ENPP3: variants seen among roughly 807,000 people sequenced by gnomAD.
The protein encoded by ENPP3 is ectonucleotide pyrophosphatase/phosphodiesterase family member 3.
A neutral mutation model predicts 117.8 loss-of-function variants in ENPP3; 104 were observed. The ratio of observed to expected loss-of-function variants is 0.88; its 90% confidence interval spans 0.75 to 1.04. The LOEUF (loss-of-function observed/expected upper bound fraction) is 1.04, where lower values mean the gene tolerates loss of function less well. Ranked by LOEUF, ENPP3 falls within the 50% of genes least tolerant of loss-of-function variation. The probability of loss-of-function intolerance (pLI) is 0.00; values close to 1 mark genes in which losing one functional copy is unlikely to be tolerated. For synonymous variants in ENPP3, 380 were observed against 349.9 expected (o/e 1.09, Z -0.96); for missense variants, 1,026 against 1,051.9 (o/e 0.98, Z 0.34).
chr6:131,705,956 G>A lies in ENPP3; in HGVS notation c.1412+12332G>A, dbSNP rs1380410951. ...TGTAAACAATCCTACTGCACTCCCA[G>A]CATGGTTAAAAGCAAACAACTATGT... is the stretch of plus-strand genomic sequence containing the variant. On this transcript the variant is annotated intron_variant, in intron 15 of 24. Coordinates refer to ENST00000357639, the MANE Select transcript of ENPP3 (RefSeq NM_005021.5). 1.5e-5 allele frequency among the ~76,000 whole-genome samples: 2 copies of A among 137,098 alleles called. 1 individual carries two copies. Among genetic ancestry groups the A allele is most frequent in the African/African-American group, 6.6e-5 (2 of 30,376 alleles). 89.9% of individuals were successfully genotyped at this position (137,098 alleles called of 152,430 possible).
chr6:131,725,604 A>C (rs1780138604), intron 19 of ENPP3, among the ~76,000 whole-genome samples: 1 of 152,202 alleles, frequency 6.6e-6, no homozygotes, highest in Admixed American at 6.5e-5. Flanking sequence ...TTCTGATTAT[A>C]AGACATAAGT....
chr6:131,701,327 G>A (rs141134579), intron 15 of ENPP3: 2 of 1,612,626 alleles, frequency 1.2e-6, no homozygotes, highest in East Asian at 2.2e-5. Flanking sequence ...GCCCAAAGAG[G>A]AGCATCTGAA....
At chr6:131,726,853 G>A (rs1289873607) in intron 20 of ENPP3, among the ~76,000 whole-genome samples, 5 of 152,170 alleles carry the variant, frequency 3.3e-5, no homozygotes, top group Admixed American at 3.3e-4. Context: ...GAAAACAGTA[G>A]ATCCCTACCT....
At chr6:131,731,620 C>T (rs1030993302) in intron 20 of ENPP3, among the ~76,000 whole-genome samples, 1 of 152,054 alleles carries the variant, frequency 6.6e-6, no homozygotes, top group Non-Finnish European at 1.5e-5. Context: ...TCCCTTTTTG[C>T]AGACTTTTTC....
intron 5 of ENPP3, among the ~76,000 whole-genome samples, chr6:131,656,901 C>T (rs1778396818): frequency 6.6e-6 from 1 of 152,072 alleles, no homozygotes; most frequent in South Asian, 2.1e-4. Context: ...CTCTAGTTAG[C>T]TTGGACAGGC....
rs1562446696 is a variant in ENPP3 at position 131,678,981 on chromosome 6, CCTTCCTTCCTTCCTTCCTTG to C, written c.1011+1061_1011+1080del. On this transcript the variant is annotated intron_variant, in intron 11 of 24. Coordinates refer to ENST00000357639, the MANE Select transcript of ENPP3 (RefSeq NM_005021.5). ...TCTTTCCTTCCTTCCTTCCTTCCTT[CCTTCCTTCCTTCCTTCCTTG>C]CTTCCTTCCTTCCTTCCTTCCTTCC... 9.0e-4 allele frequency among the ~76,000 whole-genome samples: 99 copies of C among 110,404 alleles called. 2 individuals carry two copies. The highest frequency in any genetic ancestry group is 4.0e-3 in the South Asian group (13 of 3,230). The allele number at this position is 110,404 out of a possible 152,430, so 72.4% of individuals were successfully genotyped here.
chr6:131,645,255 C>T (rs1369073610), intron 2 of ENPP3, among the ~76,000 whole-genome samples: 1 of 152,218 alleles, frequency 6.6e-6, no homozygotes, highest in Non-Finnish European at 1.5e-5. Flanking sequence ...GGGTTTTCAT[C>T]TTCTTAACTC....
intron 14 of ENPP3, among the ~76,000 whole-genome samples, chr6:131,686,114 C>T (rs1488571021): frequency 1.3e-5 from 2 of 152,138 alleles, no homozygotes; most frequent in Non-Finnish European, 2.9e-5. Context: ...CAGAAATTAG[C>T]TTGCAGTAAT....
chr6:131,728,238 G>C (rs1780199197), intron 20 of ENPP3, among the ~76,000 whole-genome samples: 2 of 152,158 alleles, frequency 1.3e-5, no homozygotes, highest in South Asian at 4.1e-4. Context: ...CTCAGGGTCA[G>C]TCCTATTATT....
At chr6:131,737,076 G>T (rs1159350987) in intron 21 of ENPP3, among the ~76,000 whole-genome samples, 2 of 152,114 alleles carry the variant, frequency 1.3e-5, no homozygotes, top group Non-Finnish European at 2.9e-5. Context: ...CTCATCTAGA[G>T]ACTCCTAGCT....
intron 19 of ENPP3, 135 bp downstream of exon 19, chr6:131,724,226 T>TAA (rs397941468): frequency 7.9e-4 from 334 of 421,528 alleles, no homozygotes; most frequent in Admixed American, 1.4e-3. Flanking sequence ...ATACAAAAGG[T>TAA]AAAAAAAAAA....
intron 11 of ENPP3, among the ~76,000 whole-genome samples, chr6:131,681,607 CA>C (rs1402718636): frequency 6.6e-6 from 1 of 151,596 alleles, no homozygotes; most frequent in Admixed American, 6.6e-5. Context: ...TTAAAAAACA[CA>C]AAGGCAGTGA....
intron 2 of ENPP3, among the ~76,000 whole-genome samples, chr6:131,649,120 A>G (rs1309455605): frequency 2.0e-5 from 3 of 152,140 alleles, no homozygotes; most frequent in Non-Finnish European, 4.4e-5. Flanking sequence ...CTCTATTTAC[A>G]TCTTCCTTAT....
At chr6:131,650,561 T>C (rs542753948) in intron 3 of ENPP3, among the ~76,000 whole-genome samples, 11 of 152,250 alleles carry the variant, frequency 7.2e-5, no homozygotes, top group African/African-American at 2.4e-4. Flanking sequence ...GTGTATTAGT[T>C]TCCTAAGGCT....
At chr6:131,724,923 A>G (rs941744399) in intron 19 of ENPP3, among the ~76,000 whole-genome samples, 15 of 151,752 alleles carry the variant, frequency 9.9e-5, no homozygotes, top group African/African-American at 3.4e-4. Flanking sequence ...TAATGGCAAA[A>G]AACAGCAGGG....
chr6:131,689,795 C>T (rs1294784274), intron 14 of ENPP3, among the ~76,000 whole-genome samples: 2 of 152,148 alleles, frequency 1.3e-5, no homozygotes, highest in Non-Finnish European at 2.9e-5. Context: ...AAATGATTCA[C>T]CATTCTAGAT....
intron 6 of ENPP3, among the ~76,000 whole-genome samples, chr6:131,666,423 A>T (rs760487408): frequency 2.6e-5 from 4 of 151,880 alleles, no homozygotes; most frequent in Non-Finnish European, 5.9e-5. Context: ...GTTTTTAGCC[A>T]TTATTTCTTT....
intron 23 of ENPP3, among the ~76,000 whole-genome samples, chr6:131,739,209 C>T (rs894298026): frequency 1.3e-5 from 2 of 152,216 alleles, no homozygotes; most frequent in African/African-American, 4.8e-5. Context: ...AGTCCATGTT[C>T]TAAATCACAG....
intron 15 of ENPP3, among the ~76,000 whole-genome samples, chr6:131,701,844 T>G (rs1366929787): frequency 4.8e-5 from 7 of 144,514 alleles, no homozygotes; most frequent in Non-Finnish European, 7.4e-5. Context: ...ATCGCAACAC[T>G]GCACTCCAGC....
Sources: gnomAD v4.1 joint callset for allele counts (sites outside exome capture counted in the v4.1 genomes callset) on GRCh38, gnomAD v4.1.1 for gene constraint, MANE v1.5 for transcripts, NCBI Gene and HGNC (gene_info 2026-07-23, HGNC 2026-07-21) for gene names.